DNAI1: variants seen among roughly 807,000 people sequenced by gnomAD.
The protein encoded by DNAI1 is dynein, axonemal, intermediate polypeptide 1.
DNAI1 carries 67 observed loss-of-function variants against 92.0 expected under a neutral mutation model. The observed-to-expected ratio is 0.73, with a 90% CI of 0.60 to 0.89. The LOEUF (loss-of-function observed/expected upper bound fraction) is 0.89. Among genes scored for constraint, DNAI1 ranks in the 40% least tolerant of loss-of-function variants. DNAI1 has a pLI of 0.00. For synonymous variants in DNAI1, 323 were observed against 319.6 expected, an observed-to-expected ratio of 1.01 and a Z score of -0.11; for missense variants, 839 against 866.6, an observed-to-expected ratio of 0.97 and a Z score of 0.40.
Position 34,489,395 on chromosome 9 carries a change from C to A in DNAI1, c.334C>A (p.Pro112Thr). The A allele has an allele frequency of 6.2e-7, 1 of 1,614,082 alleles. No homozygotes were observed. The highest frequency in any genetic ancestry group is 1.1e-5 in the South Asian group (1 of 91,076). Residue 112 changes from proline (P) to threonine (T), a missense_variant, in exon 5 of 20, where the codon CCC (proline) becomes ACC (threonine). By Grantham distance (38) the Pro-to-Thr change is conservative. Coordinates refer to ENST00000242317, the MANE Select transcript of DNAI1 (RefSeq NM_012144.4). ...VHYTQVGNLIPKDSDEGRRQH... is the reference protein window; with the variant it reads ...VHYTQVGNLITKDSDEGRRQH... ...CTACACCCAGGTTGGGAACCTGATC[C>A]CCAAAGACTCAGATGAAGGACGGCG...
chr9:34,519,831 G>C (rs983155575), intron 19 of DNAI1, among the ~76,000 whole-genome samples: 3 of 152,174 alleles, frequency 2.0e-5, no homozygotes, highest in African/African-American at 7.2e-5. Context: ...TGGGGAAATG[G>C]CAACTGCCCA....
intron 16 of DNAI1, 149 bp from the exon 17 acceptor site, chr9:34,514,245 G>A: frequency 9.6e-7 from 1 of 1,038,694 alleles, no homozygotes; most frequent in Non-Finnish European, 1.5e-6. Context: ...CTGAGGGTGG[G>A]AAGGGCAGCC....
chr9:34,503,585 TG>T (rs1181612257), intron 12 of DNAI1, among the ~76,000 whole-genome samples: 1 of 152,214 alleles, frequency 6.6e-6, no homozygotes, highest in African/African-American at 2.4e-5. Context: ...AATAAAACTT[TG>T]GCAGGGGTAG....
At chr9:34,494,172 G>T (rs1277052395) in intron 9 of DNAI1, among the ~76,000 whole-genome samples, 2 of 152,088 alleles carry the variant, frequency 1.3e-5, no homozygotes, top group South Asian at 2.1e-4. Context: ...GGCTGCTCTC[G>T]GGGAAGTGGT....
chr9:34,468,334 C>T (rs1824075609), intron 1 of DNAI1, among the ~76,000 whole-genome samples: 1 of 150,666 alleles, frequency 6.6e-6, no homozygotes, highest in African/African-American at 2.4e-5. Flanking sequence ...GCGCCCGCCA[C>T]CACGCCTGGC....
chr9:34,512,368 T>C lies in DNAI1; in HGVS notation c.1433T>C (p.Leu478Pro). The change falls in exon 15 of 20, where the codon CTG becomes CCG. Residue 478 changes from leucine to proline, a missense_variant. By Grantham distance (98) the Leu-to-Pro change is moderately conservative. Transcript: ENST00000242317. ...RKLVHIDVIK[L>P]KVEGSTTEVP... ...CTGGTTCACATAGATGTCATCAAGC[T>C]GAAGGTGGAAGGCAGCACCACGGAA... 2 of 1,614,112 alleles carry C rather than the reference T, an allele frequency of 1.2e-6. No homozygotes were observed. The highest frequency in any genetic ancestry group is 1.1e-5 in the South Asian group (1 of 91,080).
At chr9:34,519,800 G>A (rs1825233844) in intron 19 of DNAI1, among the ~76,000 whole-genome samples, 1 of 152,182 alleles carries the variant, frequency 6.6e-6, no homozygotes, top group Non-Finnish European at 1.5e-5. Context: ...GGGGGCCCAG[G>A]AGCACAGCGA....
intron 1 of DNAI1, among the ~76,000 whole-genome samples, chr9:34,481,776 G>A (rs1232805837): frequency 1.3e-5 from 2 of 152,172 alleles, no homozygotes; most frequent in Non-Finnish European, 2.9e-5. Context: ...GCTGGGCTCA[G>A]GAGTGAAGCT....
chr9:34,491,785 T>C (rs1193588215), intron 8 of DNAI1, among the ~76,000 whole-genome samples: 4 of 152,136 alleles, frequency 2.6e-5, no homozygotes, highest in Non-Finnish European at 5.9e-5. Context: ...AAGGGCAAGG[T>C]TGTGCAAGCT....
intron 1 of DNAI1, among the ~76,000 whole-genome samples, chr9:34,475,584 C>T (rs1285834580): frequency 6.6e-6 from 1 of 152,198 alleles, no homozygotes; most frequent in Non-Finnish European, 1.5e-5. Context: ...ACATAAAGTG[C>T]ACCACACTAT....
intron 1 of DNAI1, among the ~76,000 whole-genome samples, chr9:34,479,416 A>G (rs537228681): frequency 1.3e-5 from 2 of 152,358 alleles, no homozygotes; most frequent in South Asian, 4.1e-4. Flanking sequence ...TTGGGAAGTT[A>G]GGGCTGTAGC....
At chr9:34,474,628 G>A (rs1233840383) in intron 1 of DNAI1, among the ~76,000 whole-genome samples, 1 of 147,770 alleles carries the variant, frequency 6.8e-6, no homozygotes, top group African/African-American at 2.5e-5. Context: ...GAGTACAGTG[G>A]TGCAATCTCG....
chr9:34,487,330 C>G (rs983948988), intron 4 of DNAI1, among the ~76,000 whole-genome samples: 1 of 151,990 alleles, frequency 6.6e-6, no homozygotes, highest in East Asian at 1.9e-4. Context: ...GGACTACAGG[C>G]GCCCGCCACC....
At chr9:34,497,570 T>C (rs1390560117) in intron 10 of DNAI1, among the ~76,000 whole-genome samples, 2 of 152,160 alleles carry the variant, frequency 1.3e-5, no homozygotes, top group African/African-American at 2.4e-5. Flanking sequence ...AGGACCCAAA[T>C]AGAGGTCTCG....
At chr9:34,500,215 G>A (rs1354644755) in intron 10 of DNAI1, among the ~76,000 whole-genome samples, 1 of 152,166 alleles carries the variant, frequency 6.6e-6, no homozygotes, top group African/African-American at 2.4e-5. Flanking sequence ...GATGAAGTTG[G>A]GTTCAGAGAA....
chr9:34,485,485 G>A lies in DNAI1; in HGVS notation c.229G>A (p.Ala77Thr), dbSNP rs765635363. 9 of 1,613,970 alleles carry A rather than the reference G, an allele frequency of 5.6e-6. No homozygotes were observed. The highest frequency in any genetic ancestry group is 4.5e-5 in the East Asian group (2 of 44,888). ...TRILTANNPH[A>T]PQNIVRYSFK... Reference sequence around the variant, plus strand: ...GATTTTGACAGCCAACAACCCACACGCACCCCAGAACATTGTCAGGTACAG... The same window carrying A: ...GATTTTGACAGCCAACAACCCACACACACCCCAGAACATTGTCAGGTACAG... The change falls in exon 4 of 20, where the codon GCA becomes ACA. Residue 77 changes from alanine (A) to threonine (T), a missense_variant. Physicochemically the swap from Ala to Thr is moderately conservative, Grantham distance 58. Transcript: ENST00000242317.
chr9:34,462,846 G>A (rs951548694), intron 1 of DNAI1, among the ~76,000 whole-genome samples: 12 of 152,100 alleles, frequency 7.9e-5, no homozygotes, highest in East Asian at 1.9e-4. Context: ...ATTATTTATC[G>A]TACCCACTCT....
Position 34,485,129 on chromosome 9 carries a change from G to A in DNAI1, c.82-13G>A. The A allele has an allele frequency of 1.2e-6, 2 of 1,613,998 alleles. No homozygotes were observed. The highest frequency in any genetic ancestry group is 1.7e-6 in the Non-Finnish European group (2 of 1,179,892). ...AAAGACACTCCCAAGCCTCATGTGA[G>A]GTTTTTGTCTAGGATGAAGATTCAG... is the stretch of plus-strand genomic sequence containing the variant. On this transcript the variant is annotated splice_polypyrimidine_tract_variant and intron_variant, in intron 2 of 19. Transcript: ENST00000242317.
At chr9:34,482,413 G>C (rs1824377905) in intron 1 of DNAI1, among the ~76,000 whole-genome samples, 1 of 148,682 alleles carries the variant, frequency 6.7e-6, no homozygotes, top group Non-Finnish European at 1.5e-5. Flanking sequence ...GCTAGATACA[G>C]AGTGTTGATT....
Sources: gnomAD v4.1 joint callset for allele counts (sites outside exome capture counted in the v4.1 genomes callset) on GRCh38, gnomAD v4.1.1 for gene constraint, MANE v1.5 for transcripts, NCBI Gene and HGNC (gene_info 2026-07-23, HGNC 2026-07-21) for gene names.